RPAP1: variants seen among roughly 807,000 people sequenced by gnomAD.
The protein encoded by RPAP1 is RNA polymerase II associated protein 1, also known as RNA polymerase II-associated protein 1.
RPAP1 carries 109 observed loss-of-function variants against 142.4 expected under a neutral mutation model. The observed-to-expected ratio is 0.77, with a 90% CI of 0.66 to 0.90. The LOEUF is 0.90. Ranked by LOEUF, RPAP1 falls within the 40% of genes least tolerant of loss-of-function variation. The pLI, the probability that RPAP1 is intolerant of heterozygous loss-of-function variation, is 0.00. For missense variants in RPAP1, 1,546 were observed against 1,751.7 expected (o/e 0.88, Z 2.10); for synonymous variants, 704 against 738.9 (o/e 0.95, Z 0.77).
rs777855532 is a variant in RPAP1, at chr15:41,523,927, A to G, written c.2280T>C (p.Thr760=). The change falls in exon 17 of 25, where the codon ACT becomes ACC. Residue 760 remains threonine, a synonymous_variant. Coordinates refer to ENST00000304330, the MANE Select transcript of RPAP1 (RefSeq NM_015540.4). The stretch of plus-strand genomic sequence containing the variant: ...GCTGGAGCCCAGACACCTGTGTCCA[A>G]GTGACTAAGGAAGGGGTGGCCGAGA... The part of the protein sequence containing the change: ...ASLSATPSLV[T]WTQVSGLQPL... 2.2e-5 allele frequency: 35 copies of G among 1,609,930 alleles called. No homozygotes were observed. In the South Asian group the frequency reaches 3.7e-4, roughly 17 times the overall value.
rs1595481550 is a variant in RPAP1 at position 41,523,269 on chromosome 15, A to C, written c.2522T>G (p.Leu841Arg). ...CCTAAGGGAATCCCACAGGCTGCCC[A>C]GTGTGGGCTGACTCAGCAGTGGCAG... ...LLLPLLSQPT[L>R]GSLWDSLRHC... Residue 841 changes from leucine to arginine, a missense_variant, in exon 18 of 25, where the codon CTG (leucine) becomes CGG (arginine). Coordinates refer to ENST00000304330, the MANE Select transcript of RPAP1 (RefSeq NM_015540.4). The C allele has an allele frequency of 1.9e-6, 3 of 1,609,222 alleles. No individual in the cohort carries two copies. The highest frequency in any genetic ancestry group is 2.5e-6 in the Non-Finnish European group (3 of 1,177,326).
At chr15:41,528,139 G>T in intron 10 of RPAP1, 96 bp downstream of exon 10, 1 of 1,510,482 alleles carries the variant, frequency 6.6e-7, no homozygotes. Flanking sequence ...CACATAGCTG[G>T]CTAGTGAGCC....
At chr15:41,528,093 T>C in intron 10 of RPAP1, 66 bp from the exon 11 acceptor site, 3 of 1,576,858 alleles carry the variant, frequency 1.9e-6, no homozygotes, top group Non-Finnish European at 2.6e-6. Context: ...GCCCTAATCC[T>C]TCGTTTGCCC....
Position 41,517,797 on chromosome 15 carries a change from C to T in RPAP1, c.4032+1G>A. 1.2e-6 allele frequency: 2 copies of T among 1,614,212 alleles called. No homozygotes were observed. The highest frequency in any genetic ancestry group is 1.1e-5 in the South Asian group (1 of 91,088). On this transcript the variant is annotated splice_donor_variant, in intron 24 of 24. Transcript: ENST00000304330. LOFTEE classifies it high-confidence loss of function. The stretch of plus-strand genomic sequence containing the variant: ...CACCCTCCTAATGGCCCTGACCCTA[C>T]CTCATCTGCCAGCAGCCATGTTTTC...
Position 41,523,976 on chromosome 15 carries a change from C to G in RPAP1, c.2235-4G>C, listed in dbSNP as rs751165031. 8 of 1,613,436 alleles carry G rather than the reference C, an allele frequency of 5.0e-6. No homozygotes were observed. In the Admixed American group the frequency reaches 1.2e-4, roughly 24 times the overall value. On this transcript the variant is annotated splice_polypyrimidine_tract_variant and splice_region_variant and intron_variant, in intron 16 of 24. Transcript: ENST00000304330. ...GAGGCTGGCCTCAGCAGAATCACTA[C>G]AAAAGTGCCAAAGGGTGCCACAGTG... is the stretch of plus-strand genomic sequence containing the variant.
At chr15:41,539,397 T>G (rs1048106436) in intron 1 of RPAP1, among the ~76,000 whole-genome samples, 1 of 152,002 alleles carries the variant, frequency 6.6e-6, no homozygotes, top group East Asian at 1.9e-4. Flanking sequence ...TAGGTTCAAG[T>G]GATTCTCCTG....
At chr15:41,536,414 T>G in intron 3 of RPAP1, 87 bp downstream of exon 3, 1 of 1,534,846 alleles carries the variant, frequency 6.5e-7, no homozygotes, top group South Asian at 1.2e-5. Flanking sequence ...TGAAGCACCC[T>G]CCACTGATAA....
At chr15:41,543,444 C>T (rs1452229410) in intron 1 of RPAP1, among the ~76,000 whole-genome samples, 4 of 152,020 alleles carry the variant, frequency 2.6e-5, no homozygotes, top group Non-Finnish European at 4.4e-5. Context: ...AACTCCTGAT[C>T]TCAGGTGACC....
chr15:41,523,147 G>C (rs1486376883), intron 18 of RPAP1, 98 bp downstream of exon 18: 1 of 1,026,522 alleles, frequency 9.7e-7, no homozygotes, highest in African/African-American at 1.6e-5. Flanking sequence ...CCGAGGGCCT[G>C]CACCCTGGGA....
chr15:41,517,423 C>T lies in RPAP1; in HGVS notation c.*119G>A. The T allele has an allele frequency of 1.0e-6, 1 of 965,486 alleles. No individual in the cohort carries two copies. The highest frequency in any genetic ancestry group is 2.4e-5 in the Admixed American group (1 of 41,562). The allele number at this position is 965,486 out of a possible 1,614,324, so 59.8% of individuals were successfully genotyped here. A position where few individuals can be genotyped will look rare whatever the true frequency, so the allele number is the denominator to read the frequency against. ...AACAACCTGCTCCCAGGAAGGCAAG[C>T]CTTCTGCTCCTTGGTCTCCTGCCTA... On this transcript the variant is annotated 3_prime_UTR_variant, in exon 25 of 25. Coordinates refer to ENST00000304330, the MANE Select transcript of RPAP1 (RefSeq NM_015540.4).
At chr15:41,526,268 CG>C (rs758956726) in intron 14 of RPAP1, among the ~76,000 whole-genome samples, 61 of 152,194 alleles carry the variant, frequency 4.0e-4, no homozygotes, top group Non-Finnish European at 6.5e-4. Flanking sequence ...ATTTTTGAGA[CG>C]GGGTCTCGCC....
Position 41,527,052 on chromosome 15 carries a change from C to G in RPAP1, c.1763G>C (p.Arg588Pro). Reference sequence around the variant, plus strand: ...CTCTCGAACTATAGTCTCTATCAGCCGAGGGCACTCCAGGACCTATGGGAG... The same window carrying G: ...CTCTCGAACTATAGTCTCTATCAGCGGAGGGCACTCCAGGACCTATGGGAG... ...ESATRVLECP[R>P]LIETIVREFL... The change falls in exon 14 of 25, where the codon CGG becomes CCG. Residue 588 changes from arginine (R) to proline (P), a missense_variant. By Grantham distance (103) the Arg-to-Pro change is moderately radical (BLOSUM62 -2). This residue lies in a region of RPAP1 where 1,333 missense variants were observed against 1,486.6 expected (regional missense o/e 0.90). Coordinates refer to ENST00000304330, the MANE Select transcript of RPAP1 (RefSeq NM_015540.4). 1 of 1,614,080 alleles carries G rather than the reference C, an allele frequency of 6.2e-7. No individual in the cohort carries two copies. Among genetic ancestry groups the G allele is most frequent in the African/African-American group, 1.3e-5 (1 of 75,044 alleles).
In RPAP1 at chr15:41,531,880, G is replaced by T. The variant is rs550896939; in HGVS notation, c.764-678C>A. Among the ~76,000 whole-genome samples the T allele has an allele frequency of 8.6e-5, 13 of 151,344 alleles. No homozygotes were observed. In the South Asian group the frequency reaches 2.7e-3, roughly 32 times the overall value. On this transcript the variant is annotated intron_variant, in intron 6 of 24. Coordinates refer to ENST00000304330, the MANE Select transcript of RPAP1 (RefSeq NM_015540.4). ...GTAAATATATATTTTTAAAGAGATA[G>T]GGTCTTGCTCTGTTACCCATGCTGG...
rs1246681362 is a variant in RPAP1, at chr15:41,524,151, T to A, written c.2179A>T (p.Thr727Ser). Residue 727 changes from threonine to serine, a missense_variant, in exon 16 of 25, where the codon ACT becomes TCT. By Grantham distance (58) the Thr-to-Ser change is moderately conservative (BLOSUM62 1). Transcript: ENST00000304330. ...GCCAGGGTTAGCTGGGTGAGGAGAG[T>A]GAGCAGTGAGGCTATCCGCTGCATG... ...LSMQRIASLL[T>S]LLTQLTLAAG... is the part of the protein sequence containing the mutation. The A allele has an allele frequency of 6.3e-7, 1 of 1,598,444 alleles. No homozygotes were observed. The highest frequency in any genetic ancestry group is 1.7e-5 in the Admixed American group (1 of 58,458).
chr15:41,526,229 G>A (rs908687864), intron 14 of RPAP1, among the ~76,000 whole-genome samples: 3 of 152,124 alleles, frequency 2.0e-5, no homozygotes, highest in Non-Finnish European at 2.9e-5. Flanking sequence ...GATTACAGGC[G>A]TGAGCCACTG....
Position 41,520,778 on chromosome 15 carries a change from C to G in RPAP1, c.3408G>C (p.Val1136=), listed in dbSNP as rs777844973. ...MGTAMRVLQW[V]LVLESWRPQA... ...GGGGGCGCCAGCTCTCCAAAACTAG[C>G]ACCCACTGCAGGACCCGCATGGCTG... is the stretch of plus-strand genomic sequence containing the variant. The change falls in exon 22 of 25, where the codon GTG becomes GTC. Residue 1136 remains valine, a synonymous_variant. Transcript: ENST00000304330. 1.9e-6 allele frequency: 3 copies of G among 1,613,676 alleles called. No individual in the cohort carries two copies. The highest frequency in any genetic ancestry group is 8.5e-7 in the Non-Finnish European group (1 of 1,179,998).
Position 41,525,131 on chromosome 15 carries a change from G to A in RPAP1, c.1935C>T (p.Leu645=). ...CTATGATGCGGCACAGGCGGCTCCG[G>A]AGATCAAAGCTGCTCAACTGGAAAT... ...IAARLLSSFD[L]RSRLCRIIAE... is the part of the protein sequence containing the mutation. The change falls in exon 15 of 25, where the codon CTC becomes CTT. Residue 645 remains leucine, a synonymous_variant. Coordinates refer to ENST00000304330, the MANE Select transcript of RPAP1 (RefSeq NM_015540.4). The A allele has an allele frequency of 6.2e-7, 1 of 1,611,586 alleles. No individual in the cohort carries two copies. Among genetic ancestry groups the A allele is most frequent in the Non-Finnish European group, 8.5e-7 (1 of 1,178,894 alleles).
Position 41,520,438 on chromosome 15 carries a change from C to T in RPAP1, c.3748G>A (p.Gly1250Arg). 1 of 1,613,730 alleles carries T rather than the reference C, an allele frequency of 6.2e-7. No individual in the cohort carries two copies. The highest frequency in any genetic ancestry group is 1.1e-5 in the South Asian group (1 of 91,068). Reference protein sequence around the residue: ...FSVTLRLALFGEHVGALRALS... With the variant: ...FSVTLRLALFREHVGALRALS... Reference sequence around the variant, plus strand: ...GCTCGCAAGGCTCCCACGTGTTCCCCAAAGAGGGCAAGGCGCAAGGTGACA... The same window carrying T: ...GCTCGCAAGGCTCCCACGTGTTCCCTAAAGAGGGCAAGGCGCAAGGTGACA... The change falls in exon 22 of 25, where the codon GGG becomes AGG. Residue 1250 changes from glycine to arginine, a missense_variant. Gly to Arg is a moderately radical substitution (Grantham distance 125). Around this residue, in one of 3 missense-constraint regions of RPAP1, gnomAD observed 210 missense variants for 248.0 expected, o/e 0.85. Transcript: ENST00000304330.
intron 1 of RPAP1, among the ~76,000 whole-genome samples, chr15:41,537,767 C>T (rs2051926532): frequency 6.6e-6 from 1 of 151,604 alleles, no homozygotes; most frequent in Non-Finnish European, 1.5e-5. Flanking sequence ...CCTGTAATCC[C>T]AGCTACCTGG....
Sources: allele counts gnomAD v4.1 joint callset (sites outside exome capture counted in the v4.1 genomes callset), GRCh38; gene constraint gnomAD v4.1.1; regional missense constraint gnomAD v4.1.1; transcripts MANE v1.5; gene names NCBI Gene and HGNC (gene_info 2026-07-23, HGNC 2026-07-21).